MREG: variants seen among roughly 807,000 people sequenced by gnomAD.
The protein encoded by MREG is melanoregulin, also known as dilute suppressor protein homolog.
MREG carries 31 observed loss-of-function variants against 28.5 expected under a neutral mutation model. The ratio of observed to expected loss-of-function variants is 1.09; its 90% CI spans 0.82 to 1.47. The LOEUF (loss-of-function observed/expected upper bound fraction) is 1.47, where lower values mean the gene tolerates loss of function less well. Among genes scored for constraint, MREG ranks in the 40% most tolerant of loss-of-function variants. The pLI is 0.00. For missense variants in MREG, 256 were observed against 257.4 expected (o/e 0.99, Z 0.04); for synonymous variants, 106 against 95.2 (o/e 1.11, Z -0.66).
At chr2:215,940,231 G>GTTAA (rs1692181959), downstream of MREG, among the ~76,000 whole-genome samples, 1 of 152,204 alleles carries the variant, frequency 6.6e-6, no homozygotes, top group African/African-American at 2.4e-5. Context: ...TATTCTAGAA[G>GTTAA]TTAATAACAC....
chr2:215,991,059 C>T (rs1043541774), intron 2 of MREG, among the ~76,000 whole-genome samples: 4 of 152,222 alleles, frequency 2.6e-5, no homozygotes, highest in Non-Finnish European at 5.9e-5. Flanking sequence ...TAGACATGTA[C>T]AGAACTCTCC....
In MREG at chr2:215,945,754, C is replaced by T; in HGVS notation, c.347-20G>A. The T allele has an allele frequency of 6.2e-7, 1 of 1,606,202 alleles. No individual in the cohort carries two copies. Among genetic ancestry groups the T allele is most frequent in the East Asian group, 2.2e-5 (1 of 44,782 alleles). ...GAAAACCTAAGGTAGAAAAATGGAC[C>T]ACTCATGTAAAGTAGTCCCAAGTTA... is the stretch of plus-strand genomic sequence containing the variant. On this transcript the variant is annotated intron_variant, in intron 3 of 4. Transcript: ENST00000263268.
chr2:215,945,535 C>T (rs1248303645), intron 4 of MREG, 36 bp downstream of exon 4: 3 of 1,595,104 alleles, frequency 1.9e-6, no homozygotes, highest in Non-Finnish European at 2.6e-6. Flanking sequence ...GCAATTAAAG[C>T]AAAATTAGGG....
chr2:215,959,617 C>T (rs1283158697), intron 2 of MREG, among the ~76,000 whole-genome samples: 2 of 152,158 alleles, frequency 1.3e-5, no homozygotes, highest in Non-Finnish European at 2.9e-5. Flanking sequence ...TGTTCCATAC[C>T]GCTTACTGAA....
chr2:215,955,639 T>C (rs1307457492), intron 2 of MREG, among the ~76,000 whole-genome samples: 3 of 152,204 alleles, frequency 2.0e-5, no homozygotes, highest in Non-Finnish European at 4.4e-5. Context: ...TTCGCACCAA[T>C]TGACATCATC....
At chr2:215,946,364 A>G (rs913642209) in intron 3 of MREG, among the ~76,000 whole-genome samples, 1 of 152,006 alleles carries the variant, frequency 6.6e-6, no homozygotes, top group Non-Finnish European at 1.5e-5. Context: ...CACGCTTGAA[A>G]AGTGATGATG....
chr2:216,019,005 T>C (rs879804041), intron 1 of MREG, among the ~76,000 whole-genome samples: 1 of 152,160 alleles, frequency 6.6e-6, no homozygotes, highest in Non-Finnish European at 1.5e-5. Flanking sequence ...ACAGCTGGAG[T>C]TGAGGCATGA....
At chr2:215,950,451 T>C (rs1036466531) in intron 2 of MREG, among the ~76,000 whole-genome samples, 2 of 152,192 alleles carry the variant, frequency 1.3e-5, no homozygotes, top group Non-Finnish European at 2.9e-5. Flanking sequence ...TAATAATCAA[T>C]ATGAGATTAA....
rs149938082 is a variant in MREG, at chr2:215,952,235, T to C, written c.256-5122A>G. Among the ~76,000 whole-genome samples the C allele has an allele frequency of 4.9e-3, 743 of 152,230 alleles. 5 individuals carry two copies. Among genetic ancestry groups the C allele is most frequent in the Middle Eastern group, 0.044 (13 of 294 alleles). ...AATCATGCTGCAATGAACATGGGGG[T>C]ACAGATATACATCCCCATAGTGTAT... On this transcript the variant is annotated intron_variant, in intron 2 of 4. Coordinates refer to ENST00000263268, the MANE Select transcript of MREG (RefSeq NM_018000.3).
chr2:215,974,825 G>GACACACACACACAC (rs71982102), intron 2 of MREG, among the ~76,000 whole-genome samples: 11 of 126,626 alleles, frequency 8.7e-5, no homozygotes, highest in African/African-American at 2.1e-4. Context: ...CACACACACA[G>GACACACACACACAC]ACACACACAC....
chr2:216,020,462 C>A (rs1694503507), intron 1 of MREG, among the ~76,000 whole-genome samples: 1 of 152,178 alleles, frequency 6.6e-6, no homozygotes, highest in Non-Finnish European at 1.5e-5. Flanking sequence ...AGTTGATCAA[C>A]AGGCCCAGGC....
chr2:216,007,403 T>TTTTATTTATTTATTTA lies in MREG; in HGVS notation c.95+5814_95+5829dup, dbSNP rs113045457. Among the ~76,000 whole-genome samples, 104 of 142,848 alleles carry TTTTATTTATTTATTTA rather than the reference T, an allele frequency of 7.3e-4. 1 individual carries two copies. The highest frequency in any genetic ancestry group is 1.5e-3 in the African/African-American group (57 of 39,118). The allele number at this position is 142,848 out of a possible 152,430, so 93.7% of individuals were successfully genotyped here. On this transcript the variant is annotated intron_variant, in intron 1 of 4. Coordinates refer to ENST00000263268, the MANE Select transcript of MREG (RefSeq NM_018000.3). ...TCCTTTTTGTGATCACTTAGCAACA[T>TTTTATTTATTTATTTA]TTTATTTATTTATTTATTTATTTAT...
chr2:215,989,393 C>A (rs1693664083), intron 2 of MREG, among the ~76,000 whole-genome samples: 1 of 152,172 alleles, frequency 6.6e-6, no homozygotes, highest in Non-Finnish European at 1.5e-5. Context: ...ATCCACAGGT[C>A]ACCAATATCA....
upstream of MREG, among the ~76,000 whole-genome samples, chr2:216,015,141 C>CGCGCA (rs1559200228): frequency 6.4e-4 from 31 of 48,224 alleles, no homozygotes; most frequent in South Asian, 0.017. Context: ...GCGCGTGCGT[C>CGCGCA]TGTGCGTGCG....
intron 2 of MREG, among the ~76,000 whole-genome samples, chr2:215,986,257 T>C (rs1409351747): frequency 6.6e-6 from 1 of 152,234 alleles, no homozygotes; most frequent in Non-Finnish European, 1.5e-5. Context: ...TATATGAAAA[T>C]CTGGATTTTC....
At chr2:216,007,446 T>TA (rs57882395) in intron 1 of MREG, among the ~76,000 whole-genome samples, 3 of 148,178 alleles carry the variant, frequency 2.0e-5, no homozygotes, top group African/African-American at 5.0e-5. Flanking sequence ...TTTATTTATT[T>TA]TGAGATGGAG....
At chr2:216,021,524 T>C (rs758066277) in intron 1 of MREG, among the ~76,000 whole-genome samples, 2 of 152,214 alleles carry the variant, frequency 1.3e-5, no homozygotes, top group Non-Finnish European at 2.9e-5. Flanking sequence ...ACCCTGCAAC[T>C]GTACAACCCC....
chr2:216,023,185 C>T (rs1396482217), intron 1 of MREG, among the ~76,000 whole-genome samples: 3 of 152,234 alleles, frequency 2.0e-5, no homozygotes, highest in East Asian at 1.9e-4. Context: ...AAACCTTAGA[C>T]TTCCCCACAA....
At chr2:215,942,397 C>A (rs1283461951), downstream of MREG, among the ~76,000 whole-genome samples, 1 of 152,196 alleles carries the variant, frequency 6.6e-6, no homozygotes, top group African/African-American at 2.4e-5. Context: ...ACCTGAGGCA[C>A]CCCTGCGCCC....
Sources: allele counts gnomAD v4.1 joint callset (sites outside exome capture counted in the v4.1 genomes callset), GRCh38; gene constraint gnomAD v4.1.1; transcripts MANE v1.5; gene names NCBI Gene and HGNC (gene_info 2026-07-23, HGNC 2026-07-21).